Variants in CDH13 observed in about 807,000 individuals in gnomAD.
The protein encoded by CDH13 is cadherin 13.
A neutral mutation model predicts 63.8 loss-of-function variants in CDH13; 24 were observed. The observed-to-expected ratio is 0.38, with a 90% CI of 0.27 to 0.53. The LOEUF (loss-of-function observed/expected upper bound fraction) is 0.53, where lower values mean the gene tolerates loss of function less well. CDH13 is among the 20% of genes least tolerant of loss of function. The probability of loss-of-function intolerance (pLI) is 0.85; values close to 1 mark genes in which losing one functional copy is unlikely to be tolerated. For synonymous variants in CDH13, 503 were observed against 355.3 expected, an observed-to-expected ratio of 1.42 and a Z score of -4.67; for missense variants, 1,049 against 903.1, an observed-to-expected ratio of 1.16 and a Z score of -2.07.
At chr16:83,080,962 A>T (rs751020579) in intron 3 of CDH13, among the ~76,000 whole-genome samples, 2 of 133,110 alleles carry the variant, frequency 1.5e-5, no homozygotes, top group Admixed American at 1.9e-4. Context: ...GCTCACCGCA[A>T]CCTCTGCCTC....
intron 2 of CDH13, among the ~76,000 whole-genome samples, chr16:83,019,015 C>A (rs1405289683): frequency 6.6e-6 from 1 of 152,114 alleles, no homozygotes; most frequent in African/African-American, 2.4e-5. Context: ...CTGTGCAGGA[C>A]TATAGACTTT....
At chr16:83,068,132 G>T (rs2032159122) in intron 3 of CDH13, among the ~76,000 whole-genome samples, 1 of 152,170 alleles carries the variant, frequency 6.6e-6, no homozygotes, top group Non-Finnish European at 1.5e-5. Context: ...CATTACCACA[G>T]TCGGATCTGC....
chr16:82,780,705 T>G (rs1367833006), intron 1 of CDH13, among the ~76,000 whole-genome samples: 1 of 152,248 alleles, frequency 6.6e-6, no homozygotes, highest in Non-Finnish European at 1.5e-5. Flanking sequence ...TTGGCATGAT[T>G]AGCTACTTTT....
At chr16:83,531,296 C>A (rs1315617263) in intron 7 of CDH13, among the ~76,000 whole-genome samples, 1 of 152,156 alleles carries the variant, frequency 6.6e-6, no homozygotes, top group Non-Finnish European at 1.5e-5. Context: ...CCTGGTAGAG[C>A]CTGGCATGGC....
intron 2 of CDH13, among the ~76,000 whole-genome samples, chr16:82,908,827 C>T (rs555159415): frequency 1.2e-4 from 18 of 152,310 alleles, no homozygotes; most frequent in Middle Eastern, 6.8e-3. Flanking sequence ...ACGGTTGACC[C>T]TTGAACTACA....
intron 6 of CDH13, among the ~76,000 whole-genome samples, chr16:83,465,900 C>T (rs1188746777): frequency 6.6e-6 from 1 of 152,228 alleles, no homozygotes; most frequent in African/African-American, 2.4e-5. Flanking sequence ...TGGTGGTGTT[C>T]TCTTTACCCT....
intron 6 of CDH13, among the ~76,000 whole-genome samples, chr16:83,471,698 A>G (rs2073458030): frequency 6.6e-6 from 1 of 152,182 alleles, no homozygotes; most frequent in Non-Finnish European, 1.5e-5. Flanking sequence ...AGTAGGCAGG[A>G]TTTGATCTTG....
chr16:83,767,285 G>A (rs1405876608), intron 11 of CDH13, among the ~76,000 whole-genome samples: 4 of 151,836 alleles, frequency 2.6e-5, no homozygotes, highest in Non-Finnish European at 1.5e-5. Flanking sequence ...CCCAAGTGTC[G>A]AGGGTGGGGC....
chr16:83,635,017 C>G (rs957543960), intron 8 of CDH13, among the ~76,000 whole-genome samples: 2 of 152,192 alleles, frequency 1.3e-5, no homozygotes, highest in Non-Finnish European at 2.9e-5. Context: ...AGTGGCTAAA[C>G]CATTTTCATC....
intron 2 of CDH13, among the ~76,000 whole-genome samples, chr16:82,999,490 G>A (rs1358319580): frequency 6.6e-6 from 1 of 151,990 alleles, no homozygotes; most frequent in Admixed American, 6.6e-5. Context: ...ATAAATTCTT[G>A]ATGATACCAA....
chr16:83,220,476 C>A (rs1043780308), intron 5 of CDH13, among the ~76,000 whole-genome samples: 9 of 152,178 alleles, frequency 5.9e-5, no homozygotes, highest in African/African-American at 2.2e-4. Context: ...CAAATCCTCA[C>A]ATTTTAGTTT....
intron 7 of CDH13, among the ~76,000 whole-genome samples, chr16:83,541,984 G>A (rs1010092752): frequency 1.3e-5 from 2 of 152,160 alleles, no homozygotes; most frequent in Non-Finnish European, 1.5e-5. Context: ...ATAAATACTA[G>A]CTATTATTGC....
chr16:83,389,016 C>G (rs1351289415), intron 6 of CDH13, among the ~76,000 whole-genome samples: 2 of 152,164 alleles, frequency 1.3e-5, no homozygotes, highest in Admixed American at 6.5e-5. Context: ...CACCCTAAAA[C>G]CAGTCAGAGC....
chr16:83,546,207 G>A (rs117937091), intron 7 of CDH13, among the ~76,000 whole-genome samples: 2,507 of 150,886 alleles, frequency 0.017, 31 homozygotes, highest in South Asian at 0.033. Context: ...AGCGTGGGAC[G>A]TCTTGGTAGA....
intron 4 of CDH13, among the ~76,000 whole-genome samples, chr16:83,183,614 C>CT (rs1567486137): frequency 6.6e-6 from 1 of 152,182 alleles, no homozygotes; most frequent in African/African-American, 2.4e-5. Flanking sequence ...TCTTGTGTTT[C>CT]TTTCCAAAGT....
chr16:83,570,974 A>T lies in CDH13; in HGVS notation c.961-31480A>T, dbSNP rs888229244. 3.8e-3 allele frequency among the ~76,000 whole-genome samples: 303 copies of T among 79,822 alleles called. 2 individuals carry two copies. Among genetic ancestry groups the T allele is most frequent in the African/African-American group, 0.01 (288 of 28,098 alleles). 52.4% of individuals were successfully genotyped at this position (79,822 alleles called of 152,430 possible). ...ATATATATATATATATATATATAAA[A>T]ACCTTCTGGCGCCACCCAAGGGCCA... On this transcript the variant is annotated intron_variant, in intron 7 of 13. Coordinates refer to ENST00000567109, the MANE Select transcript of CDH13 (RefSeq NM_001257.5).
intron 6 of CDH13, among the ~76,000 whole-genome samples, chr16:83,428,223 G>T (rs1267188042): frequency 1.3e-5 from 2 of 152,168 alleles, no homozygotes; most frequent in Non-Finnish European, 2.9e-5. Context: ...CCTTCCATGG[G>T]ATCCAAGAGG....
intron 7 of CDH13, among the ~76,000 whole-genome samples, chr16:83,580,535 C>T (rs962849585): frequency 2.0e-5 from 3 of 147,922 alleles, no homozygotes; most frequent in Non-Finnish European, 3.0e-5. Context: ...CCATCTGCCA[C>T]CCAGGCTATA....
At chr16:83,794,986 G>T in intron 13 of CDH13, 37 bp from the exon 14 acceptor site, 1 of 1,578,130 alleles carries the variant, frequency 6.3e-7, no homozygotes, top group Admixed American at 1.8e-5. Context: ...ATTGAGTGGT[G>T]ATATTCCCGA....
Sources: gnomAD v4.1 joint callset for allele counts (sites outside exome capture counted in the v4.1 genomes callset) on GRCh38, gnomAD v4.1.1 for gene constraint, MANE v1.5 for transcripts, NCBI Gene and HGNC (gene_info 2026-07-23, HGNC 2026-07-21) for gene names.